PALB2: variants seen among roughly 807,000 people sequenced by gnomAD.
PALB2 encodes mutant partner and localizer of BRCA2.
PALB2 carries 82 observed loss-of-function variants against 107.4 expected under a neutral mutation model. The observed-to-expected ratio is 0.76, with a 90% CI of 0.64 to 0.92. The LOEUF is 0.92. PALB2 is among the 40% of genes least tolerant of loss of function. The probability of loss-of-function intolerance (pLI) is 0.00; values close to 1 mark genes in which losing one functional copy is unlikely to be tolerated. For missense variants in PALB2, 1,374 were observed against 1,379.9 expected (o/e 1.00, Z 0.07); for synonymous variants, 489 against 496.8 (o/e 0.98, Z 0.21).
At chr16:23,626,865 C>A (rs984645533) in intron 6 of PALB2, among the ~76,000 whole-genome samples, 45 of 152,054 alleles carry the variant, frequency 3.0e-4, no homozygotes, top group African/African-American at 1.1e-3. Context: ...AAGTGATCCA[C>A]CCACCTCGGC....
rs587782680 is a variant in PALB2, at chr16:23,630,101, TG to T, written c.2052del (p.Arg686GlyfsTer23). On this transcript the variant is annotated frameshift_variant, in exon 5 of 13. Coordinates refer to ENST00000261584, the MANE Select transcript of PALB2 (RefSeq NM_024675.4). LOFTEE classifies it high-confidence loss of function. Reference sequence around the variant, plus strand: ...TGCTGGCTTTGCGAGTTTGGCCTTTTGGGATGTGATTTTCCTGGTAGAACAA... The same window carrying T: ...TGCTGGCTTTGCGAGTTTGGCCTTTTGGATGTGATTTTCCTGGTAGAACAA... ...DLIVLPGKSH[P>X]KRPNSQSQHT... is the part of the protein sequence containing the mutation. The T allele has an allele frequency of 1.5e-5, 25 of 1,614,070 alleles. No homozygotes were observed. The highest frequency in any genetic ancestry group is 2.1e-5 in the Non-Finnish European group (25 of 1,180,048).
intron 5 of PALB2, 135 bp from the exon 6 acceptor site, chr16:23,629,410 T>C (rs1415963598): frequency 2.1e-6 from 2 of 930,490 alleles, no homozygotes; most frequent in South Asian, 1.4e-5. Context: ...AAATGCAAAC[T>C]GTTTCACTGA....
At chr16:23,627,513 A>G (rs1404596546) in intron 6 of PALB2, among the ~76,000 whole-genome samples, 1 of 150,938 alleles carries the variant, frequency 6.6e-6, no homozygotes, top group Admixed American at 6.6e-5. Flanking sequence ...AAAAAAAAAG[A>G]AAAATCATAA....
At chr16:23,604,604 T>G (rs950971184) in intron 12 of PALB2, among the ~76,000 whole-genome samples, 7 of 151,990 alleles carry the variant, frequency 4.6e-5, no homozygotes, top group Middle Eastern at 3.4e-3. Context: ...CGGTCTCTAC[T>G]AAAAATACAA....
At chr16:23,629,317 A>G in intron 5 of PALB2, 42 bp from the exon 6 acceptor site, 4 of 1,524,172 alleles carry the variant, frequency 2.6e-6, no homozygotes, top group South Asian at 2.2e-5. Flanking sequence ...CACTTTATGT[A>G]TAATGTCTGC....
At chr16:23,640,892 A>T (rs1356308864) in intron 1 of PALB2, 3 of 597,140 alleles carry the variant, frequency 5.0e-6, no homozygotes, top group Non-Finnish European at 9.1e-6. Flanking sequence ...ACATTGTATT[A>T]ATGCGCTGCT....
At chr16:23,620,672 A>G (rs1183341937) in intron 10 of PALB2, among the ~76,000 whole-genome samples, 3 of 152,196 alleles carry the variant, frequency 2.0e-5, no homozygotes, top group African/African-American at 7.2e-5. Flanking sequence ...ATCTTTGAAA[A>G]CAGAATTCCA....
At chr16:23,627,688 AAAC>A (rs915348625) in intron 6 of PALB2, among the ~76,000 whole-genome samples, 95 of 152,230 alleles carry the variant, frequency 6.2e-4, no homozygotes, top group African/African-American at 2.1e-3. Context: ...CTAGAAAACC[AAAC>A]AACAACAACA....
At chr16:23,628,117 T>C (rs1966850445) in intron 6 of PALB2, among the ~76,000 whole-genome samples, 1 of 152,142 alleles carries the variant, frequency 6.6e-6, no homozygotes, top group South Asian at 2.1e-4. Context: ...CCAGCTACTA[T>C]GGAGGTTGAG....
At chr16:23,623,162 G>T (rs776868853) in intron 8 of PALB2, 32 bp from the exon 9 acceptor site, 1 of 1,561,182 alleles carries the variant, frequency 6.4e-7, no homozygotes, top group Non-Finnish European at 8.8e-7. Flanking sequence ...ATGGGGTGAT[G>T]TGAGGAGTAA....
intron 10 of PALB2, chr16:23,617,864 G>C (rs1367173135): frequency 6.6e-6 from 1 of 152,088 alleles, no homozygotes; most frequent in Non-Finnish European, 1.5e-5. Flanking sequence ...ATCCCCTAAG[G>C]GGAACTTAGA....
chr16:23,611,506 T>G (rs960777870), intron 11 of PALB2, among the ~76,000 whole-genome samples: 19 of 151,664 alleles, frequency 1.3e-4, no homozygotes, highest in Non-Finnish European at 2.2e-4. Context: ...TCACTCAGGC[T>G]GGAGTGCAGT....
In PALB2 at chr16:23,624,087, A is replaced by G. The variant is rs886041103; in HGVS notation, c.2756T>C (p.Val919Ala). ...LYTWHFAEVP[V>A]LQIVPVPDVY... ...ATCAGGCACTGGAACTATCTGTAAT[A>G]CTGGAACCTAAATAAAACAAAGCAG... is the stretch of plus-strand genomic sequence containing the variant. The change falls in exon 8 of 13, where the codon GTA becomes GCA. Residue 919 changes from valine to alanine, a missense_variant. Coordinates refer to ENST00000261584, the MANE Select transcript of PALB2 (RefSeq NM_024675.4). 1.2e-6 allele frequency: 2 copies of G among 1,605,070 alleles called. No individual in the cohort carries two copies. The highest frequency in any genetic ancestry group is 1.7e-6 in the Non-Finnish European group (2 of 1,172,042).
chr16:23,637,694 G>T (rs1181561907), intron 3 of PALB2, among the ~76,000 whole-genome samples, 156 bp downstream of exon 3: 1 of 152,130 alleles, frequency 6.6e-6, no homozygotes, highest in Non-Finnish European at 1.5e-5. Flanking sequence ...AACAAAGAGT[G>T]AGACTCTGTC....
At chr16:23,639,713 G>C (rs951869199) in intron 1 of PALB2, among the ~76,000 whole-genome samples, 2 of 149,580 alleles carry the variant, frequency 1.3e-5, no homozygotes, top group African/African-American at 2.5e-5. Flanking sequence ...CCAACTACTC[G>C]GGAGGCTGAG....
intron 2 of PALB2, 35 bp downstream of exon 2, chr16:23,638,035 T>C (rs1447627779): frequency 6.2e-7 from 1 of 1,607,330 alleles, no homozygotes; most frequent in Admixed American, 1.7e-5. Flanking sequence ...TTGTTTGTAC[T>C]ATAACACCTT....
chr16:23,608,807 C>CACACACACACACAT (rs1567207461), intron 11 of PALB2, among the ~76,000 whole-genome samples: 4 of 132,672 alleles, frequency 3.0e-5, no homozygotes, highest in Non-Finnish European at 6.6e-5. Context: ...TATATACACA[C>CACACACACACACAT]ACACACACAC....
intron 8 of PALB2, 70 bp from the exon 9 acceptor site, chr16:23,623,200 C>CTT (rs754470879): frequency 0.015 from 11,152 of 767,770 alleles, 6 homozygotes; most frequent in Non-Finnish European, 0.017. Flanking sequence ...ACTAGGTTCA[C>CTT]TTTTTTTTTT....
In PALB2 at chr16:23,607,930, A is replaced by G. The variant is rs1966508816; in HGVS notation, c.3284T>C (p.Ile1095Thr). The change falls in exon 12 of 13, where the codon ATT becomes ACT. Residue 1095 changes from isoleucine (I) to threonine (T), a missense_variant. Transcript: ENST00000261584. ...CACGCTGAGAGTCGTCTTAGGGTTA[A>G]TCACAATGAGCTGAAACACAGGGCT... Reference protein sequence around the residue: ...LRSPVFQLIVINPKTTLSVGV... With the variant: ...LRSPVFQLIVTNPKTTLSVGV... 1 of 1,614,176 alleles carries G rather than the reference A, an allele frequency of 6.2e-7. No homozygotes were observed. Among genetic ancestry groups the G allele is most frequent in the Non-Finnish European group, 8.5e-7 (1 of 1,180,022 alleles).
Sources: allele counts gnomAD v4.1 joint callset (sites outside exome capture counted in the v4.1 genomes callset), GRCh38; gene constraint gnomAD v4.1.1; transcripts MANE v1.5; gene names NCBI Gene and HGNC (gene_info 2026-07-23, HGNC 2026-07-21).